CCDC102A: variants seen among roughly 807,000 people sequenced by gnomAD.
The protein encoded by CCDC102A is coiled-coil domain containing 102A.
Under a neutral mutation model 55.5 loss-of-function variants are expected in CCDC102A, and 40 were observed. The ratio of observed to expected loss-of-function variants is 0.72; its 90% CI spans 0.56 to 0.94. The LOEUF (loss-of-function observed/expected upper bound fraction) is 0.94, where lower values mean the gene tolerates loss of function less well. CCDC102A is among the 40% of genes least tolerant of loss of function. CCDC102A has a pLI of 0.00. For synonymous variants in CCDC102A, 323 were observed against 339.0 expected, an observed-to-expected ratio of 0.95 and a Z score of 0.52; for missense variants, 779 against 768.6, an observed-to-expected ratio of 1.01 and a Z score of -0.16.
In CCDC102A at chr16:57,515,388, C is replaced by T. The variant is rs757108364; in HGVS notation, c.1476G>A (p.Thr492=). ...GCACTTGCAGGTTCTCGCTCTGCTC[C>T]GTCTGCTCGTCCAGCGACCGCTGCA... is the stretch of plus-strand genomic sequence containing the variant. ...RKLQRSLDEQ[T]EQSENLQVQL... is the part of the protein sequence containing the mutation. The change falls in exon 8 of 9, where the codon ACG becomes ACA. Residue 492 remains threonine, a synonymous_variant. Coordinates refer to ENST00000258214, the MANE Select transcript of CCDC102A (RefSeq NM_033212.4). 8 of 1,609,552 alleles carry T rather than the reference C, an allele frequency of 5.0e-6. No homozygotes were observed. The highest frequency in any genetic ancestry group is 1.7e-4 in the Middle Eastern group (1 of 6,008).
intron 4 of CCDC102A, among the ~76,000 whole-genome samples, chr16:57,520,797 G>T (rs190966556): frequency 6.6e-6 from 1 of 151,716 alleles, no homozygotes; most frequent in South Asian, 2.1e-4. Context: ...AAAATTAGCC[G>T]GGCGTGGTGG....
chr16:57,532,347 A>G (rs933469715), intron 1 of CCDC102A, among the ~76,000 whole-genome samples: 1 of 152,142 alleles, frequency 6.6e-6, no homozygotes, highest in Non-Finnish European at 1.5e-5. Flanking sequence ...ACACAGCCAT[A>G]CAGATCCAGG....
chr16:57,536,996 G>T (rs2032408206), upstream of CCDC102A, among the ~76,000 whole-genome samples: 3 of 152,214 alleles, frequency 2.0e-5, no homozygotes, highest in Admixed American at 6.5e-5. Flanking sequence ...CCACCGAGTG[G>T]AAGTGGGCCA....
chr16:57,523,928 G>A (rs1005430255), intron 3 of CCDC102A, among the ~76,000 whole-genome samples: 4 of 152,092 alleles, frequency 2.6e-5, no homozygotes, highest in East Asian at 1.9e-4. Flanking sequence ...GAAGGGCAGC[G>A]TGCTGGAAGG....
intron 1 of CCDC102A, among the ~76,000 whole-genome samples, chr16:57,531,544 AGAGT>A (rs2032263360): frequency 6.6e-6 from 1 of 152,202 alleles, no homozygotes; most frequent in African/African-American, 2.4e-5. Context: ...AGCAACAGCC[AGAGT>A]GAGTTCTTGT....
chr16:57,519,143 C>T (rs757075955), intron 4 of CCDC102A, among the ~76,000 whole-genome samples: 26 of 152,220 alleles, frequency 1.7e-4, no homozygotes, highest in Admixed American at 1.3e-3. Flanking sequence ...ACCTACCCGC[C>T]GCTCCCCCTT....
At chr16:57,514,590 C>T (rs1470367310) in intron 8 of CCDC102A, among the ~76,000 whole-genome samples, 2 of 152,204 alleles carry the variant, frequency 1.3e-5, no homozygotes, top group African/African-American at 2.4e-5. Flanking sequence ...GATGAAGAAA[C>T]TGACACAGAG....
intron 4 of CCDC102A, among the ~76,000 whole-genome samples, chr16:57,519,973 G>A (rs72791620): frequency 0.079 from 11,969 of 152,268 alleles, 607 homozygotes; most frequent in East Asian, 0.19. Flanking sequence ...ACAGGAGGCC[G>A]TAGTGGCAGC....
chr16:57,526,992 T>A (rs145106624), intron 2 of CCDC102A, among the ~76,000 whole-genome samples: 2,137 of 152,316 alleles, frequency 0.014, 45 homozygotes, highest in African/African-American at 0.046. Context: ...CTCCTGCCAC[T>A]GCCCACAGCC....
In CCDC102A at chr16:57,512,731, A is replaced by ACAGG; in HGVS notation, c.*6_*9dup. On this transcript the variant is annotated 3_prime_UTR_variant, in exon 9 of 9. Coordinates refer to ENST00000258214, the MANE Select transcript of CCDC102A (RefSeq NM_033212.4). ...ATGGGGCGGCCCATCCTGCCCAGCC[A>ACAGG]CAGGAAGCTCTAGGCCACCTGGATT... is the stretch of plus-strand genomic sequence containing the variant. 6.2e-7 allele frequency: 1 copy of ACAGG among 1,612,552 alleles called. No homozygotes were observed. Among genetic ancestry groups the ACAGG allele is most frequent in the Non-Finnish European group, 8.5e-7 (1 of 1,179,114 alleles).
chr16:57,517,969 C>T, intron 6 of CCDC102A, 99 bp downstream of exon 6: 9 of 1,332,592 alleles, frequency 6.8e-6, no homozygotes, highest in Non-Finnish European at 8.2e-6. Context: ...ATGCAGCTAC[C>T]ATAATTATCA....
At chr16:57,513,296 G>A (rs535340134) in intron 8 of CCDC102A, among the ~76,000 whole-genome samples, 7 of 152,296 alleles carry the variant, frequency 4.6e-5, no homozygotes, top group Admixed American at 1.3e-4. Context: ...AGTGAGAAAG[G>A]GCTCAGCCCT....
chr16:57,520,578 T>TAACATAACATAACATAACA (rs2032029044), intron 4 of CCDC102A, among the ~76,000 whole-genome samples: 1 of 131,100 alleles, frequency 7.6e-6, no homozygotes, highest in African/African-American at 3.3e-5. Context: ...TAACATAACA[T>TAACATAACATAACATAACA]AACATAACAT....
intron 1 of CCDC102A, among the ~76,000 whole-genome samples, chr16:57,535,339 T>C (rs2146726670): frequency 6.6e-6 from 1 of 152,242 alleles, no homozygotes; most frequent in Middle Eastern, 3.4e-3. Flanking sequence ...AGCCCCATCT[T>C]AGACTGAGGA....
chr16:57,536,650 C>T (rs9928663), upstream of CCDC102A: 50,760 of 151,636 alleles, frequency 0.33, 8,561 homozygotes, highest in East Asian at 0.46. Context: ...GGGGGAGCGG[C>T]GGGGCCCCCG....
chr16:57,515,403 C>A lies in CCDC102A; in HGVS notation c.1461G>T (p.Ser487=). The A allele has an allele frequency of 6.2e-7, 1 of 1,609,304 alleles. No homozygotes were observed. Among genetic ancestry groups the A allele is most frequent in the South Asian group, 1.1e-5 (1 of 90,216 alleles). ...AHNQARKLQR[S]LDEQTEQSEN... The stretch of plus-strand genomic sequence containing the variant: ...CGCTCTGCTCCGTCTGCTCGTCCAG[C>A]GACCGCTGCAGCTTACGTGCCTGGT... The change falls in exon 8 of 9, where the codon TCG becomes TCT. Residue 487 remains serine, a synonymous_variant. Coordinates refer to ENST00000258214, the MANE Select transcript of CCDC102A (RefSeq NM_033212.4).
intron 6 of CCDC102A, among the ~76,000 whole-genome samples, chr16:57,517,460 C>A (rs2031974127): frequency 6.6e-6 from 1 of 152,148 alleles, no homozygotes; most frequent in South Asian, 2.1e-4. Flanking sequence ...GATTCTCCTG[C>A]CTCAGCCACC....
chr16:57,529,317 C>A lies in CCDC102A; in HGVS notation c.-140G>T. ...CTGGGCCACCGGGCGGAGGACGCCT[C>A]CTCGGACCTACGGGAGAACACAACC... On this transcript the variant is annotated 5_prime_UTR_variant, in exon 2 of 9. Transcript: ENST00000258214. This position sits in a 1 kb window ranked among gnomAD's most constrained non-coding sequence, Gnocchi z 4.1. 1 of 1,102,186 alleles carries A rather than the reference C, an allele frequency of 9.1e-7. No homozygotes were observed. Among genetic ancestry groups the A allele is most frequent in the Non-Finnish European group, 1.1e-6 (1 of 899,622 alleles). The allele number at this position is 1,102,186 out of a possible 1,614,324, so 68.3% of individuals were successfully genotyped here.
chr16:57,530,735 A>G (rs60044748), intron 1 of CCDC102A, among the ~76,000 whole-genome samples: 25,496 of 151,952 alleles, frequency 0.17, 2,581 homozygotes, highest in African/African-American at 0.29. Context: ...CGTCCTTTCC[A>G]GGGGTCTTAC....
Sources: allele counts gnomAD v4.1 joint callset (sites outside exome capture counted in the v4.1 genomes callset), GRCh38; gene constraint gnomAD v4.1.1; non-coding constraint Gnocchi (gnomAD v3.1); transcripts MANE v1.5; gene names NCBI Gene and HGNC (gene_info 2026-07-23, HGNC 2026-07-21).